Variants in MBD5 observed in about 807,000 individuals in gnomAD.
The protein encoded by MBD5 is methyl-CpG-binding domain protein 5.
Under a neutral mutation model 117.3 loss-of-function variants are expected in MBD5, and 13 were observed. The ratio of observed to expected loss-of-function variants is 0.11; its 90% CI spans 0.07 to 0.18. The LOEUF (loss-of-function observed/expected upper bound fraction) is 0.18. MBD5 is among the 10% of genes least tolerant of loss of function. MBD5 has a pLI of 1.00. For missense variants in MBD5, 1,879 were observed against 2,093.8 expected (o/e 0.90, Z 2.00); for synonymous variants, 727 against 766.4 (o/e 0.95, Z 0.85).
intron 3 of MBD5, among the ~76,000 whole-genome samples, chr2:148,238,290 G>A (rs1025451170): frequency 7.9e-5 from 12 of 152,200 alleles, no homozygotes; most frequent in African/African-American, 2.9e-4. Flanking sequence ...TATACCAATG[G>A]TTATTAATCT....
At chr2:148,150,792 G>T (rs1345551426) in intron 1 of MBD5, among the ~76,000 whole-genome samples, 1 of 152,086 alleles carries the variant, frequency 6.6e-6, no homozygotes, top group African/African-American at 2.4e-5. Flanking sequence ...CATTCATTTT[G>T]TATCCTGAGA....
chr2:148,449,374 T>C (rs4246608), intron 4 of MBD5, among the ~76,000 whole-genome samples: 136,009 of 151,952 alleles, frequency 0.9, 61,179 homozygotes, highest in East Asian at 1. Flanking sequence ...ATGTCAAGGG[T>C]GAAGAGAAAG....
At chr2:148,175,907 T>C (rs1054308763) in intron 1 of MBD5, among the ~76,000 whole-genome samples, 1 of 152,200 alleles carries the variant, frequency 6.6e-6, no homozygotes, top group African/African-American at 2.4e-5. Flanking sequence ...TTTACTATAT[T>C]TAAAAGCAAG....
rs866423303 is a variant in MBD5 at position 148,377,218 on chromosome 2, C to T, written c.-557+34882C>T. ...GTCGGATGTTCAAAGGCATTCAGCA[C>T]GGGAAAAGGATGTAGGCTGGGAGGC... On this transcript the variant is annotated intron_variant, in intron 4 of 13. Coordinates refer to ENST00000642680, the MANE Select transcript of MBD5 (RefSeq NM_001378120.1). Among the ~76,000 whole-genome samples the T allele has an allele frequency of 1.4e-4, 22 of 152,148 alleles. No homozygotes were observed. The South Asian group carries it at 1.7e-3, about 12-fold the overall frequency.
At position 148,425,930 on chromosome 2, in the gene MBD5, G is replaced by T. The variant is rs57981079; in HGVS notation, c.-556-32273G>T. Among the ~76,000 whole-genome samples, 130 of 151,712 alleles carry T rather than the reference G, an allele frequency of 8.6e-4. No homozygotes were observed. The East Asian group carries it at 0.022, about 26-fold the overall frequency. ...GTATGTCAGCCCAAAATCTCCTTAA[G>T]CTGATAAGCAACTTCAGCAAAGTCT... On this transcript the variant is annotated intron_variant, in intron 4 of 13. Transcript: ENST00000642680.
chr2:148,233,604 G>T (rs986341637), intron 3 of MBD5, among the ~76,000 whole-genome samples: 1 of 151,916 alleles, frequency 6.6e-6, no homozygotes, highest in Admixed American at 6.6e-5. Flanking sequence ...CTTACCTCTA[G>T]AGTAACAGAT....
At chr2:148,175,086 C>G (rs1698352439) in intron 1 of MBD5, among the ~76,000 whole-genome samples, 2 of 152,120 alleles carry the variant, frequency 1.3e-5, no homozygotes, top group South Asian at 4.1e-4. Context: ...TGGTAAAATT[C>G]AAGATTGCTA....
At chr2:148,074,497 TTTTTTTTTTG>T (rs1250640368) in intron 1 of MBD5, among the ~76,000 whole-genome samples, 7 of 127,590 alleles carry the variant, frequency 5.5e-5, no homozygotes, top group South Asian at 2.5e-4. Flanking sequence ...TTTTTTTTGT[TTTTTTTTTTG>T]TTTTTTTTTT....
chr2:148,505,153 T>C (rs915287464), intron 12 of MBD5, among the ~76,000 whole-genome samples: 9 of 152,044 alleles, frequency 5.9e-5, no homozygotes, highest in Non-Finnish European at 8.8e-5. Context: ...TTGATCAGAA[T>C]GTAAAGGAAA....
chr2:148,462,246 T>A (rs143350399), intron 5 of MBD5, among the ~76,000 whole-genome samples: 180 of 152,310 alleles, frequency 1.2e-3, no homozygotes, highest in Middle Eastern at 6.8e-3. Flanking sequence ...ATTGCTTTTA[T>A]GTAGTTTTCT....
At position 148,483,466 on chromosome 2, in the gene MBD5, G is replaced by A; in HGVS notation, c.2875G>A (p.Gly959Ser). Residue 959 changes from glycine (G) to serine (S), a missense_variant, in exon 9 of 14, where the codon GGT (glycine) becomes AGT (serine). Physicochemically the swap from Gly to Ser is moderately conservative, Grantham distance 56 (BLOSUM62 0). Transcript: ENST00000642680. ...GKSEINLHPL[G>S]FLNPNVNAAL... ...GTCTGAGATCAACCTCCACCCTTTA[G>A]GTTTTCTCAACCCGAATGTAAACGC... The A allele has an allele frequency of 6.2e-7, 1 of 1,613,974 alleles. No homozygotes were observed. Among genetic ancestry groups the A allele is most frequent in the Non-Finnish European group, 8.5e-7 (1 of 1,179,962 alleles).
intron 6 of MBD5, among the ~76,000 whole-genome samples, chr2:148,463,062 C>G (rs758387547): frequency 1.6e-4 from 24 of 152,090 alleles, no homozygotes; most frequent in Non-Finnish European, 2.5e-4. Context: ...CACAGATATT[C>G]TCAAAATCAC....
rs1427215769 is a variant in MBD5 at position 148,516,049 on chromosome 2, A to C, written c.*3108A>C. On this transcript the variant is annotated 3_prime_UTR_variant, in exon 14 of 14. Coordinates refer to ENST00000642680, the MANE Select transcript of MBD5 (RefSeq NM_001378120.1). ...TGGACCCTGACTTTGAGTTTTTGCT[A>C]TGCCTGTTTTTTAAGTAAACACAGC... 6.6e-6 allele frequency: 1 copy of C among 152,180 alleles called. No individual in the cohort carries two copies. Among genetic ancestry groups the C allele is most frequent in the South Asian group, 2.1e-4 (1 of 4,832 alleles). The allele number at this position is 152,180 out of a possible 1,614,324, so 9.4% of individuals were successfully genotyped here.
chr2:148,301,238 G>T (rs1701770968), intron 3 of MBD5, among the ~76,000 whole-genome samples: 1 of 152,184 alleles, frequency 6.6e-6, no homozygotes, highest in African/African-American at 2.4e-5. Flanking sequence ...AGTAGCCTGT[G>T]TAGCTGGAAG....
At chr2:148,320,973 AT>A (rs1702268416) in intron 3 of MBD5, among the ~76,000 whole-genome samples, 1 of 151,598 alleles carries the variant, frequency 6.6e-6, no homozygotes, top group Non-Finnish European at 1.5e-5. Context: ...TTTCCTTTTT[AT>A]TTTTTGTCTC....
chr2:148,255,912 C>T (rs1700578075), intron 3 of MBD5, among the ~76,000 whole-genome samples: 3 of 152,236 alleles, frequency 2.0e-5, no homozygotes, highest in Admixed American at 1.3e-4. Context: ...AATGTGTTCT[C>T]CTCTCAGTCT....
chr2:148,085,759 C>T (rs1278398674), intron 1 of MBD5, among the ~76,000 whole-genome samples: 1 of 152,142 alleles, frequency 6.6e-6, no homozygotes, highest in Non-Finnish European at 1.5e-5. Flanking sequence ...TAGAAAGCCC[C>T]AAATTTCTCT....
At chr2:148,317,496 C>T (rs934254022) in intron 3 of MBD5, among the ~76,000 whole-genome samples, 2 of 152,098 alleles carry the variant, frequency 1.3e-5, no homozygotes, top group Non-Finnish European at 2.9e-5. Context: ...GGTACAAGTG[C>T]AGACTTTTAC....
intron 2 of MBD5, among the ~76,000 whole-genome samples, chr2:148,192,960 C>T (rs879664984): frequency 0.041 from 3,256 of 78,722 alleles, 321 homozygotes; most frequent in African/African-American, 0.12. Context: ...TCTTATACAC[C>T]AACAACAGAC....
Sources: allele counts gnomAD v4.1 joint callset (sites outside exome capture counted in the v4.1 genomes callset), GRCh38; gene constraint gnomAD v4.1.1; transcripts MANE v1.5; gene names NCBI Gene and HGNC (gene_info 2026-07-23, HGNC 2026-07-21).